The following ARIH1 variants were observed in gnomAD, a reference collection of about 807,000 sequenced individuals.
ARIH1 encodes the protein ariadne RBR E3 ubiquitin protein ligase 1, also known as E3 ubiquitin-protein ligase ARIH1.
A neutral mutation model predicts 85.0 loss-of-function variants in ARIH1; 8 were observed. The ratio of observed to expected loss-of-function variants is 0.09; its 90% CI spans 0.06 to 0.17. The LOEUF is 0.17. Ranked by LOEUF, ARIH1 falls within the 10% of genes least tolerant of loss-of-function variation. ARIH1 has a pLI of 1.00. For missense variants in ARIH1, 311 were observed against 718.1 expected, an observed-to-expected ratio of 0.43 and a Z score of 6.48; for synonymous variants, 238 against 253.6, an observed-to-expected ratio of 0.94 and a Z score of 0.59.
chr15:72,544,697 GGTT>G (rs1297358005), intron 2 of ARIH1, 120 bp from the exon 3 acceptor site: 13 of 872,080 alleles, frequency 1.5e-5, no homozygotes, highest in Middle Eastern at 3.6e-4. Context: ...TGAATAAAAA[GGTT>G]GTTATCTTGT....
intron 11 of ARIH1, among the ~76,000 whole-genome samples, chr15:72,578,658 A>G (rs1160643641): frequency 1.3e-5 from 2 of 152,160 alleles, no homozygotes; most frequent in East Asian, 3.8e-4. Flanking sequence ...CAATATATTT[A>G]TTGAAAAAAA....
intron 1 of ARIH1, among the ~76,000 whole-genome samples, chr15:72,501,762 AAAT>A (rs1174348530): frequency 3.9e-5 from 6 of 152,340 alleles, no homozygotes; most frequent in Admixed American, 6.5e-5. Flanking sequence ...ATCACCACAA[AAAT>A]AATAAAGTAG....
intron 1 of ARIH1, among the ~76,000 whole-genome samples, chr15:72,479,576 T>G (rs1370157045): frequency 2.0e-5 from 3 of 151,860 alleles, no homozygotes; most frequent in Non-Finnish European, 4.4e-5. Flanking sequence ...ACCCAACTAA[T>G]TTTTGTATTT....
intron 1 of ARIH1, among the ~76,000 whole-genome samples, chr15:72,508,150 G>A (rs910269545): frequency 6.6e-6 from 1 of 152,222 alleles, no homozygotes; most frequent in African/African-American, 2.4e-5. Context: ...TAGCCAGAAT[G>A]GACAGGGGTG....
chr15:72,508,875 G>A (rs559837334), intron 1 of ARIH1, among the ~76,000 whole-genome samples: 1 of 151,884 alleles, frequency 6.6e-6, no homozygotes, highest in South Asian at 2.1e-4. Context: ...TGTATTTTTA[G>A]TAGAGATGAG....
At chr15:72,511,073 A>G (rs541139943) in intron 1 of ARIH1, among the ~76,000 whole-genome samples, 2 of 152,156 alleles carry the variant, frequency 1.3e-5, no homozygotes, top group African/African-American at 2.4e-5. Flanking sequence ...AAGAATTAAC[A>G]TTTTAATTAT....
chr15:72,521,200 C>T (rs2063998048), intron 2 of ARIH1, among the ~76,000 whole-genome samples: 3 of 1,718 alleles, frequency 1.7e-3, no homozygotes, highest in East Asian at 0.022. Context: ...GTATTTAATG[C>T]CCCCCCCCCC....
At position 72,557,296 on chromosome 15, in the gene ARIH1, TTC is replaced by T. The variant is rs2064178533; in HGVS notation, c.737+1391_737+1392del. 4.6e-5 allele frequency among the ~76,000 whole-genome samples: 7 copies of T among 152,252 alleles called. No individual in the cohort carries two copies. The South Asian group carries it at 1.0e-3, about 23-fold the overall frequency. On this transcript the variant is annotated intron_variant, in intron 5 of 13. Transcript: ENST00000379887. ...TGTCTTTTCATGTACTTTGCCCTTT[TTC>T]TTTCTTTTTTTTAAGTGAAAGCAAG...
At chr15:72,572,276 C>T (rs750888226) in intron 11 of ARIH1, 111 bp downstream of exon 11, 22 of 749,924 alleles carry the variant, frequency 2.9e-5, no homozygotes, top group Admixed American at 1.0e-4. Flanking sequence ...CTCGCTTTGT[C>T]GCCCAGGCTG....
At chr15:72,506,851 TTTTG>T (rs1211311080) in intron 1 of ARIH1, among the ~76,000 whole-genome samples, 2 of 152,062 alleles carry the variant, frequency 1.3e-5, no homozygotes, top group African/African-American at 2.4e-5. Flanking sequence ...TTTTTGTTTT[TTTTG>T]TTTGTTTTTT....
chr15:72,572,043 AT>A (rs200215254), intron 10 of ARIH1, 64 bp from the exon 11 acceptor site: 68,358 of 819,238 alleles, frequency 0.083, 494 homozygotes, highest in African/African-American at 0.16. Flanking sequence ...TAAAATTCTG[AT>A]TTTTTTTTTT....
At chr15:72,537,130 T>C (rs2140420306) in intron 2 of ARIH1, among the ~76,000 whole-genome samples, 1 of 152,080 alleles carries the variant, frequency 6.6e-6, no homozygotes, top group African/African-American at 2.4e-5. Context: ...GTTTGTAACA[T>C]GAGGGCTAAA....
At chr15:72,518,159 G>A in intron 2 of ARIH1, 25 bp downstream of exon 2, 2 of 1,554,872 alleles carry the variant, frequency 1.3e-6, no homozygotes, top group Non-Finnish European at 1.8e-6. Flanking sequence ...TGTCAGCTTT[G>A]TACTTAGAAG....
chr15:72,478,051 C>T (rs1475236943), intron 1 of ARIH1, among the ~76,000 whole-genome samples: 1 of 152,148 alleles, frequency 6.6e-6, no homozygotes, highest in East Asian at 1.9e-4. Context: ...AGTGATCTGC[C>T]CTTCTCGGCC....
chr15:72,481,897 C>T (rs1199368753), intron 1 of ARIH1, among the ~76,000 whole-genome samples: 3 of 152,056 alleles, frequency 2.0e-5, no homozygotes, highest in East Asian at 1.9e-4. Flanking sequence ...GGTGCAGTGG[C>T]GCCATCTCGG....
intron 2 of ARIH1, among the ~76,000 whole-genome samples, chr15:72,529,051 T>G (rs1036973169): frequency 6.6e-6 from 1 of 151,694 alleles, no homozygotes; most frequent in Non-Finnish European, 1.5e-5. Flanking sequence ...ATACAAAAAA[T>G]TAGCCGCGTG....
chr15:72,478,288 G>T lies in ARIH1; in HGVS notation c.375+3274G>T, dbSNP rs191599645. On this transcript the variant is annotated intron_variant, in intron 1 of 13. Transcript: ENST00000379887. ...GCACCACCACACCCAGCTACTTTTT[G>T]TATTTTTTAGTAGAGAGGGGGTTTC... Among the ~76,000 whole-genome samples, 53 of 151,732 alleles carry T rather than the reference G, an allele frequency of 3.5e-4. No homozygotes were observed. In the East Asian group the frequency reaches 4.1e-3, roughly 12 times the overall value.
chr15:72,534,156 A>G lies in ARIH1; in HGVS notation c.444-10664A>G, dbSNP rs1430412990. On this transcript the variant is annotated intron_variant, in intron 2 of 13. Transcript: ENST00000379887. ...TCTACTATATGGTTCTACTTACATA[A>G]AATATAAAAACAGTTGAAACTAAGT... is the stretch of plus-strand genomic sequence containing the variant. 2.0e-5 allele frequency among the ~76,000 whole-genome samples: 3 copies of G among 152,320 alleles called. No individual in the cohort carries two copies. In the East Asian group the frequency reaches 5.8e-4, roughly 29 times the overall value.
chr15:72,554,993 A>G (rs1457507921), intron 3 of ARIH1, among the ~76,000 whole-genome samples: 2 of 152,068 alleles, frequency 1.3e-5, no homozygotes, highest in African/African-American at 4.8e-5. Context: ...TTGCATTTCC[A>G]TGATGCTGAA....
Sources: gnomAD v4.1 joint callset for allele counts (sites outside exome capture counted in the v4.1 genomes callset) on GRCh38, gnomAD v4.1.1 for gene constraint, MANE v1.5 for transcripts, NCBI Gene and HGNC (gene_info 2026-07-23, HGNC 2026-07-21) for gene names.